Variants in PHKB observed in about 807,000 individuals in gnomAD.
PHKB encodes phosphorylase kinase regulatory subunit beta.
A neutral mutation model predicts 152.1 loss-of-function variants in PHKB; 122 were observed. The observed-to-expected ratio is 0.80, with a 90% CI of 0.69 to 0.93. The LOEUF (loss-of-function observed/expected upper bound fraction) is 0.93. Among genes scored for constraint, PHKB ranks in the 40% least tolerant of loss-of-function variants. The pLI is 0.00. For synonymous variants in PHKB, 436 were observed against 464.9 expected (o/e 0.94, Z 0.80); for missense variants, 1,304 against 1,328.4 (o/e 0.98, Z 0.29).
At chr16:47,562,923 C>A (rs1313067276) in intron 7 of PHKB, among the ~76,000 whole-genome samples, 1 of 152,204 alleles carries the variant, frequency 6.6e-6, no homozygotes, top group African/African-American at 2.4e-5. Context: ...GTTGTCAACT[C>A]AATAATATTC....
At chr16:47,617,895 T>C (rs769199577) in intron 14 of PHKB, among the ~76,000 whole-genome samples, 7 of 152,232 alleles carry the variant, frequency 4.6e-5, no homozygotes, top group Non-Finnish European at 1.0e-4. Flanking sequence ...TTGTTTGCAG[T>C]GGAAGCCTTA....
Position 47,507,463 on chromosome 16 carries a change from A to G in PHKB, c.406-4202A>G, listed in dbSNP as rs549894354. Among the ~76,000 whole-genome samples the G allele has an allele frequency of 4.6e-5, 7 of 152,302 alleles. No homozygotes were observed. In the South Asian group the frequency reaches 1.5e-3, roughly 32 times the overall value. On this transcript the variant is annotated intron_variant, in intron 4 of 30. Transcript: ENST00000323584. ...TCTTACTCAACCTTATTAACCAGTC[A>G]TCACAATTGTAATATGTTTTCTTTT...
rs1973894076 is a variant in PHKB at position 47,683,110 on chromosome 16, A to G, written c.2631-5931A>G. 2.6e-5 allele frequency among the ~76,000 whole-genome samples: 4 copies of G among 152,082 alleles called. No homozygotes were observed. In the South Asian group the frequency reaches 8.3e-4, roughly 32 times the overall value. ...GGTGAACCGCAAATGCTGCTGCCTG[A>G]TCGTTCCTCTGGAAGTTTTGTCTCA... On this transcript the variant is annotated intron_variant, in intron 26 of 30. Coordinates refer to ENST00000323584, the MANE Select transcript of PHKB (RefSeq NM_000293.3).
chr16:47,539,736 TG>T (rs1395995079), intron 6 of PHKB, among the ~76,000 whole-genome samples: 53 of 152,318 alleles, frequency 3.5e-4, no homozygotes, highest in African/African-American at 1.3e-3. Context: ...GAAGATTTCA[TG>T]GGCATTTATC....
chr16:47,614,493 A>G (rs1972483343), intron 14 of PHKB, among the ~76,000 whole-genome samples: 1 of 152,218 alleles, frequency 6.6e-6, no homozygotes, highest in Non-Finnish European at 1.5e-5. Context: ...TTAATTATTC[A>G]TAATGTTCAT....
In PHKB at chr16:47,501,440, G is replaced by C. The variant is rs150865358; in HGVS notation, c.305+1546G>C. ...TGTAAAGTATGAAAGTATGTTTTTG[G>C]GACACTTCAGTATTTGAGCCAAGAC... On this transcript the variant is annotated intron_variant, in intron 3 of 30. Transcript: ENST00000323584. Among the ~76,000 whole-genome samples the C allele has an allele frequency of 2.9e-3, 439 of 152,074 alleles. 1 individual carries two copies. Among genetic ancestry groups the C allele is most frequent in the Non-Finnish European group, 3.7e-3 (252 of 67,960 alleles).
Position 47,699,344 on chromosome 16 carries a change from A to G in PHKB, c.3260A>G (p.Asp1087Gly), listed in dbSNP as rs752261025. The G allele has an allele frequency of 1.2e-6, 2 of 1,614,202 alleles. No homozygotes were observed. Among genetic ancestry groups the G allele is most frequent in the Admixed American group, 1.7e-5 (1 of 60,032 alleles). Residue 1087 changes from aspartate to glycine, a missense_variant, in exon 31 of 31, where the codon GAT becomes GGT. By Grantham distance (94) the Asp-to-Gly change is moderately conservative. Transcript: ENST00000323584. ...LLEGEVKPNN[D>G]DPCLIS ...GAAGGAGAAGTCAAGCCAAACAATG[A>G]TGACCCGTGTCTGATTAGCTAGTGG...
intron 14 of PHKB, among the ~76,000 whole-genome samples, chr16:47,623,552 TTTTGA>T (rs1013324287): frequency 6.8e-6 from 1 of 148,058 alleles, no homozygotes; most frequent in African/African-American, 2.6e-5. Flanking sequence ...ATATTGACAG[TTTTGA>T]TTTTTTTTTT....
chr16:47,487,413 TTATA>T (rs58238198), intron 1 of PHKB, among the ~76,000 whole-genome samples: 1 of 144,904 alleles, frequency 6.9e-6, no homozygotes. Context: ...GTACAAGAGT[TTATA>T]TATATATATA....
rs967041673 is a variant in PHKB, at chr16:47,593,559, T to C, written c.1126+2T>C. ...TTTTCCTTTATATGATGATTGATGG[T>C]AAGTAAGCTTTTTCCTGAAATTTAA... On this transcript the variant is annotated splice_donor_variant, in intron 11 of 30. Coordinates refer to ENST00000323584, the MANE Select transcript of PHKB (RefSeq NM_000293.3). LOFTEE classifies it high-confidence loss of function. 1 of 1,469,080 alleles carries C rather than the reference T, an allele frequency of 6.8e-7. No individual in the cohort carries two copies. Among genetic ancestry groups the C allele is most frequent in the African/African-American group, 1.4e-5 (1 of 72,274 alleles). 91.0% of individuals were successfully genotyped at this position (1,469,080 alleles called of 1,614,324 possible).
At position 47,497,499 on chromosome 16, in the gene PHKB, C is replaced by A. The variant is rs1399804108; in HGVS notation, c.166+11C>A. On this transcript the variant is annotated intron_variant, in intron 2 of 30. Coordinates refer to ENST00000323584, the MANE Select transcript of PHKB (RefSeq NM_000293.3). ...ATTATTACAGAATTGGTGAGTAAAACCTGAGGAAAACGTGTCCTTAGGTAT... is the reference window on the plus strand; with the variant it reads ...ATTATTACAGAATTGGTGAGTAAAAACTGAGGAAAACGTGTCCTTAGGTAT... 1 of 1,529,880 alleles carries A rather than the reference C, an allele frequency of 6.5e-7. No homozygotes were observed. Among genetic ancestry groups the A allele is most frequent in the Non-Finnish European group, 9.0e-7 (1 of 1,105,800 alleles). The allele number at this position is 1,529,880 out of a possible 1,614,324, so 94.8% of individuals were successfully genotyped here. A position where few individuals can be genotyped will look rare whatever the true frequency, so the allele number is the denominator to read the frequency against.
intron 6 of PHKB, 57 bp from the exon 7 acceptor site, chr16:47,547,376 C>A (rs1418093212): frequency 8.4e-6 from 9 of 1,067,902 alleles, no homozygotes; most frequent in Non-Finnish European, 1.3e-5. Context: ...AGCCACCACA[C>A]CCGGCCTATG....
intron 16 of PHKB, among the ~76,000 whole-genome samples, chr16:47,641,965 C>G (rs1973031845): frequency 6.6e-6 from 1 of 151,846 alleles, no homozygotes; most frequent in African/African-American, 2.4e-5. Context: ...TATTACTAAC[C>G]TAGGCTGAGC....
At chr16:47,467,729 A>G (rs150290096) in intron 1 of PHKB, among the ~76,000 whole-genome samples, 13 of 152,234 alleles carry the variant, frequency 8.5e-5, no homozygotes, top group Non-Finnish European at 1.9e-4. Context: ...TTCACATTTC[A>G]TAAGTGAAGT....
Position 47,649,148 on chromosome 16 carries a change from G to A in PHKB, c.1741G>A (p.Asp581Asn), listed in dbSNP as rs202127217. 351 of 1,610,708 alleles carry A rather than the reference G, an allele frequency of 2.2e-4. No homozygotes were observed. Among genetic ancestry groups the A allele is most frequent in the Non-Finnish European group, 2.8e-4 (327 of 1,177,284 alleles). The change falls in exon 18 of 31, where the codon GAC becomes AAC. Residue 581 changes from aspartate to asparagine, a missense_variant. Physicochemically the swap from Asp to Asn is conservative, Grantham distance 23 (BLOSUM62 1). Transcript: ENST00000323584. ...KTVVCYPIIFDLSDFYMSQDV... is the reference protein window; with the variant it reads ...KTVVCYPIIFNLSDFYMSQDV... ...TGTGGTTTGTTACCCGATTATTTTC[G>A]ACCTAAGTGATTTCTACATGTCTCA...
At chr16:47,532,732 G>A (rs956840057) in intron 6 of PHKB, among the ~76,000 whole-genome samples, 7 of 152,238 alleles carry the variant, frequency 4.6e-5, no homozygotes, top group South Asian at 2.1e-4. Context: ...CCCCAAAGAG[G>A]GAGTCAGCCC....
intron 6 of PHKB, among the ~76,000 whole-genome samples, chr16:47,517,083 TGAG>T (rs1453875812): frequency 6.6e-6 from 1 of 152,118 alleles, no homozygotes; most frequent in African/African-American, 2.4e-5. Context: ...TGACTCTGAC[TGAG>T]GAGAGGAGGC....
chr16:47,628,329 G>A (rs1346419681), intron 14 of PHKB, among the ~76,000 whole-genome samples: 2 of 152,086 alleles, frequency 1.3e-5, no homozygotes, highest in African/African-American at 4.8e-5. Flanking sequence ...TCAGGAGATC[G>A]AGACCATCCT....
At chr16:47,467,814 G>A (rs919089595) in intron 1 of PHKB, among the ~76,000 whole-genome samples, 2 of 152,150 alleles carry the variant, frequency 1.3e-5, no homozygotes, top group African/African-American at 4.8e-5. Context: ...CATTCTAAAA[G>A]CGATTTTCCT....
Sources: gnomAD v4.1 joint callset for allele counts (sites outside exome capture counted in the v4.1 genomes callset) on GRCh38, gnomAD v4.1.1 for gene constraint, MANE v1.5 for transcripts, NCBI Gene and HGNC (gene_info 2026-07-23, HGNC 2026-07-21) for gene names.